RPL13: variants seen among roughly 807,000 people sequenced by gnomAD.
The protein encoded by RPL13 is large ribosomal subunit protein eL13.
A neutral mutation model predicts 21.4 loss-of-function variants in RPL13; 1 was observed. The ratio of observed to expected loss-of-function variants is 0.05; its 90% CI spans 0.02 to 0.22. The LOEUF (loss-of-function observed/expected upper bound fraction) is 0.22, where lower values mean the gene tolerates loss of function less well. Among genes scored for constraint, RPL13 ranks in the 10% least tolerant of loss-of-function variants. The pLI, the probability that RPL13 is intolerant of heterozygous loss-of-function variation, is 1.00. For missense variants in RPL13, 289 were observed against 303.0 expected, an observed-to-expected ratio of 0.95 and a Z score of 0.34; for synonymous variants, 143 against 120.5, an observed-to-expected ratio of 1.19 and a Z score of -1.23.
chr16:89,565,642 A>AGTGTGGCCG (rs1567943924), downstream of RPL13: 9 of 145,772 alleles, frequency 6.2e-5, no homozygotes, highest in East Asian at 1.9e-4. Context: ...GAGTGTGGCC[A>AGTGTGGCCG]TCCCTGAGTG....
In RPL13 at chr16:89,562,338, G is replaced by A. The variant is rs1239596334; in HGVS notation, c.424G>A (p.Glu142Lys). 1 of 1,613,308 alleles carries A rather than the reference G, an allele frequency of 6.2e-7. No homozygotes were observed. Among genetic ancestry groups the A allele is most frequent in the Non-Finnish European group, 8.5e-7 (1 of 1,179,936 alleles). ...AACTCTTCTCATTCACCAACAGGCT[G>A]AAGAACTGAAACTGGCCACCCAGCT... is the stretch of plus-strand genomic sequence containing the variant. The part of the protein sequence containing the change: ...SAPKKGDSSA[E>K]ELKLATQLTG... The change falls in exon 5 of 6, where the codon GAA becomes AAA. Residue 142 changes from glutamate to lysine, a missense_variant. Transcript: ENST00000311528.
intron 4 of RPL13, 92 bp from the exon 5 acceptor site, chr16:89,562,242 CG>C: frequency 8.1e-7 from 1 of 1,227,750 alleles, no homozygotes; most frequent in Non-Finnish European, 1.2e-6. Flanking sequence ...GTCCTGAACA[CG>C]GAATCCCCAG....
Position 89,562,903 on chromosome 16 carries a change from C to T in RPL13, c.497C>T (p.Ala166Val), listed in dbSNP as rs61734766. 741 of 1,581,938 alleles carry T rather than the reference C, an allele frequency of 4.7e-4. No homozygotes were observed. Among genetic ancestry groups the T allele is most frequent in the Middle Eastern group, 8.5e-4 (5 of 5,892 alleles). ...TTCTAGGTCTATAAGAAGGAGAAAG[C>T]TCGAGTCATCACTGAGGAAGAGAAG... ...PVRNVYKKEK[A>V]RVITEEEKNF... Residue 166 changes from alanine (A) to valine (V), a missense_variant, in exon 6 of 6, where the codon GCT becomes GTT. Coordinates refer to ENST00000311528, the MANE Select transcript of RPL13 (RefSeq NM_000977.4).
downstream of RPL13, chr16:89,565,145 TTAATCTATTAAGAGCCC>T (rs1388679443): frequency 6.6e-6 from 1 of 152,332 alleles, no homozygotes; most frequent in Non-Finnish European, 1.5e-5. Flanking sequence ...CTCCGTTTGC[TTAATCTATTAAGAGCCC>T]TAACAGGAGA....
rs1343156395 is a variant in RPL13, at chr16:89,564,344, A to C, written c.*1302A>C. On this transcript the variant is annotated 3_prime_UTR_variant, in exon 6 of 6. Transcript: ENST00000311528. Reference sequence around the variant, plus strand: ...GTAGATGACTTGCAGGCTGTTGGCTACCAGTTTCCTGTCTGAGGTGTATAT... The same window carrying C: ...GTAGATGACTTGCAGGCTGTTGGCTCCCAGTTTCCTGTCTGAGGTGTATAT... The C allele has an allele frequency of 6.6e-6, 1 of 152,194 alleles. No individual in the cohort carries two copies. Among genetic ancestry groups the C allele is most frequent in the Non-Finnish European group, 1.5e-5 (1 of 68,040 alleles). The allele number at this position is 152,194 out of a possible 1,614,324, so 9.4% of individuals were successfully genotyped here. A position where few individuals can be genotyped will look rare whatever the true frequency, so the allele number is the denominator to read the frequency against.
chr16:89,562,203 AGT>A (rs1434891946), intron 4 of RPL13, 130 bp from the exon 5 acceptor site: 1 of 789,502 alleles, frequency 1.3e-6, no homozygotes, highest in Non-Finnish European at 2.1e-6. Context: ...GGGGCCACAA[AGT>A]GTGTTGTAGA....
downstream of RPL13, chr16:89,565,111 G>C (rs1185731488): frequency 6.6e-6 from 1 of 152,360 alleles, no homozygotes; most frequent in African/African-American, 2.4e-5. Context: ...AGTCTCCAGG[G>C]CTGTGTTGCT....
downstream of RPL13, chr16:89,566,148 C>A (rs2058787784): frequency 6.6e-6 from 1 of 152,218 alleles, no homozygotes; most frequent in African/African-American, 2.4e-5. Flanking sequence ...GTGGGTGGGG[C>A]TTTGCCAGCA....
Position 89,561,709 on chromosome 16 carries a change from C to T in RPL13, c.378C>T (p.Leu126=). 6.2e-7 allele frequency: 1 copy of T among 1,613,888 alleles called. No individual in the cohort carries two copies. Among genetic ancestry groups the T allele is most frequent in the Non-Finnish European group, 8.5e-7 (1 of 1,180,018 alleles). Residue 126 remains leucine (L), a synonymous_variant, in exon 4 of 6, where the codon CTC becomes CTT. Transcript: ENST00000311528. ...AGGAGTACCGCTCCAAACTCATCCT[C>T]TTCCCCAGGAAGCCCTCGGCCCCCA... The part of the protein sequence containing the change: ...RLKEYRSKLI[L]FPRKPSAPKK...
chr16:89,566,739 C>T (rs1567944679), downstream of RPL13: 1 of 151,982 alleles, frequency 6.6e-6, no homozygotes, highest in Non-Finnish European at 1.5e-5. Context: ...AGTTGTAACA[C>T]GTGTACCTCG....
rs141927696 is a variant in RPL13 at position 89,563,888 on chromosome 16, G to A, written c.*846G>A. ...CACCCAGACACCAAGGTATGAGATG[G>A]CCCTGCCAAGTGTCGGCCTCTCCTG... is the stretch of plus-strand genomic sequence containing the variant. On this transcript the variant is annotated 3_prime_UTR_variant, in exon 6 of 6. Coordinates refer to ENST00000311528, the MANE Select transcript of RPL13 (RefSeq NM_000977.4). 6.6e-6 allele frequency: 1 copy of A among 152,306 alleles called. No homozygotes were observed. Among genetic ancestry groups the A allele is most frequent in the Admixed American group, 6.5e-5 (1 of 15,292 alleles). The allele number at this position is 152,306 out of a possible 1,614,324, so 9.4% of individuals were successfully genotyped here.
chr16:89,562,786 C>A (rs572460923), intron 5 of RPL13, 98 bp from the exon 6 acceptor site: 1 of 1,297,096 alleles, frequency 7.7e-7, no homozygotes, highest in Non-Finnish European at 1.0e-6. Flanking sequence ...GCGAACCTGA[C>A]CCCCAATCCC....
At chr16:89,562,273 T>A in intron 4 of RPL13, 62 bp from the exon 5 acceptor site, 1 of 1,534,960 alleles carries the variant, frequency 6.5e-7, no homozygotes, top group Non-Finnish European at 9.0e-7. Context: ...TGGGGCCAGG[T>A]GAGGGTGGAG....
intron 5 of RPL13, 167 bp downstream of exon 5, chr16:89,562,558 C>A: frequency 1.6e-6 from 1 of 642,636 alleles, no homozygotes; most frequent in Non-Finnish European, 2.6e-6. Context: ...TTACTTCTTG[C>A]AACCATGAAG....
Position 89,563,021 on chromosome 16 carries a change from G to C in RPL13, c.615G>C (p.Gln205His), listed in dbSNP as rs146062904. The stretch of plus-strand genomic sequence containing the variant: ...AAAGAGCCAAGGAAGCCGCAGAACA[G>C]GATGTTGAAAAGAAAAAATAAAGCC... ...RAKRAKEAAE[Q>H]DVEKKK The change falls in exon 6 of 6, where the codon CAG (glutamine) becomes CAC (histidine). Residue 205 changes from glutamine (Q) to histidine (H), a missense_variant. By Grantham distance (24) the Gln-to-His change is conservative. Transcript: ENST00000311528. The C allele has an allele frequency of 1.3e-3, 1,925 of 1,536,624 alleles. 3 individuals carry two copies. The highest frequency in any genetic ancestry group is 1.6e-3 in the Non-Finnish European group (1,776 of 1,142,128).
rs763521734 is a variant in RPL13 at position 89,561,261 on chromosome 16, G to A, written c.139G>A (p.Ala47Thr). Residue 47 changes from alanine to threonine, a missense_variant, in exon 3 of 6, where the codon GCC (alanine) becomes ACC (threonine). Transcript: ENST00000311528. ...CCGGCAAGCCAAGGCGCGCCGCATCGCCCCGCGCCCCGCGTCGGGTCCCAT... is the reference window on the plus strand; with the variant it reads ...CCGGCAAGCCAAGGCGCGCCGCATCACCCCGCGCCCCGCGTCGGGTCCCAT... The part of the protein sequence containing the change: ...KARQAKARRI[A>T]PRPASGPIRP... 24 of 1,552,800 alleles carry A rather than the reference G, an allele frequency of 1.5e-5. No homozygotes were observed. The highest frequency in any genetic ancestry group is 2.7e-5 in the African/African-American group (2 of 73,474).
chr16:89,566,336 T>TCGGGGATAGTCTCAGAAGGCGCTA (rs1488433199), downstream of RPL13: 9 of 152,100 alleles, frequency 5.9e-5, no homozygotes, highest in East Asian at 1.9e-4. Flanking sequence ...GCCTCGGTGA[T>TCGGGGATAGTCTCAGAAGGCGCTA]GCACCGTTTC....
rs376294933 is a variant in RPL13 at position 89,561,396 on chromosome 16, G to A, written c.246+28G>A. ...GAGTACTGGCAGCGCTGCGGTGTCA[G>A]GAAGGCCCCGAAGTCCCCTCTGTTG... is the stretch of plus-strand genomic sequence containing the variant. On this transcript the variant is annotated intron_variant, in intron 3 of 5. Coordinates refer to ENST00000311528, the MANE Select transcript of RPL13 (RefSeq NM_000977.4). 6.6e-5 allele frequency: 107 copies of A among 1,611,360 alleles called. No homozygotes were observed. The African/African-American group carries it at 1.3e-3, about 20-fold the overall frequency.
rs373412678 is a variant in RPL13 at position 89,561,486 on chromosome 16, C to A, written c.247-92C>A. On this transcript the variant is annotated intron_variant, in intron 3 of 5. Coordinates refer to ENST00000311528, the MANE Select transcript of RPL13 (RefSeq NM_000977.4). ...GGCCTTGATGAAAGCACATTTGAAC[C>A]CTTTTCCATCTGATTGCTGAGGCTT... The A allele has an allele frequency of 5.3e-5, 85 of 1,611,928 alleles. No individual in the cohort carries two copies. In the African/African-American group the frequency reaches 1.0e-3, roughly 19 times the overall value.
Sources: gnomAD v4.1 joint callset for allele counts on GRCh38, gnomAD v4.1.1 for gene constraint, MANE v1.5 for transcripts, NCBI Gene and HGNC (gene_info 2026-07-23, HGNC 2026-07-21) for gene names.